HSD17B7: variants seen among roughly 807,000 people sequenced by gnomAD.
HSD17B7 encodes 3-keto-steroid reductase/17-beta-hydroxysteroid dehydrogenase 7.
A neutral mutation model predicts 34.1 loss-of-function variants in HSD17B7; 17 were observed. That is an observed-to-expected ratio of 0.50 (90% CI 0.34 to 0.75). HSD17B7 has a LOEUF of 0.75. Among genes scored for constraint, HSD17B7 ranks in the 30% least tolerant of loss-of-function variants. HSD17B7 has a pLI of 0.01. For missense variants in HSD17B7, 296 were observed against 406.6 expected (o/e 0.73, Z 2.34); for synonymous variants, 122 against 154.6 (o/e 0.79, Z 1.56).
At chr1:162,795,688 T>C (rs1315771635) in intron 2 of HSD17B7, 1 of 430,974 alleles carries the variant, frequency 2.3e-6, no homozygotes, top group Non-Finnish European at 4.6e-6. Context: ...GTCCTAAGTT[T>C]AGAAGCTATG....
intron 5 of HSD17B7, among the ~76,000 whole-genome samples, chr1:162,801,436 G>A (rs1377172374): frequency 6.6e-6 from 1 of 152,180 alleles, no homozygotes; most frequent in African/African-American, 2.4e-5. Flanking sequence ...TTATTGGGAA[G>A]ATTGACTGAG....
At chr1:162,803,613 G>A in intron 6 of HSD17B7, 78 bp downstream of exon 6, 1 of 1,514,408 alleles carries the variant, frequency 6.6e-7, no homozygotes, top group Middle Eastern at 1.8e-4. Context: ...TAAGGGTTGG[G>A]AAATGATTTA....
At chr1:162,805,028 T>G (rs1648934055) in intron 7 of HSD17B7, among the ~76,000 whole-genome samples, 1 of 152,190 alleles carries the variant, frequency 6.6e-6, no homozygotes, top group Admixed American at 6.5e-5. Flanking sequence ...CCTTCAGGAT[T>G]TTTGCTATTC....
In HSD17B7 at chr1:162,800,021, C is replaced by T. The variant is rs1261173922; in HGVS notation, c.642+84C>T. The T allele has an allele frequency of 6.4e-6, 7 of 1,100,140 alleles. No homozygotes were observed. In the Admixed American group the frequency reaches 1.2e-4, roughly 19 times the overall value. The allele number at this position is 1,100,140 out of a possible 1,614,324, so 68.1% of individuals were successfully genotyped here. A position where few individuals can be genotyped will look rare whatever the true frequency, so the allele number is the denominator to read the frequency against. On this transcript the variant is annotated intron_variant, in intron 5 of 8. Coordinates refer to ENST00000254521, the MANE Select transcript of HSD17B7 (RefSeq NM_016371.4). ...GTTGATTTCCTAATAAGGTAGCTGG[C>T]TTTCCACTAACTCTTATAGTTTAGA... is the stretch of plus-strand genomic sequence containing the variant.
chr1:162,800,988 CT>C (rs995700646), intron 5 of HSD17B7, among the ~76,000 whole-genome samples: 171 of 151,266 alleles, frequency 1.1e-3, no homozygotes, highest in African/African-American at 4.0e-3. Flanking sequence ...TGATGCCCCC[CT>C]TTTTTTTTGA....
At chr1:162,808,952 C>A (rs550611566) in intron 8 of HSD17B7, among the ~76,000 whole-genome samples, 1 of 152,188 alleles carries the variant, frequency 6.6e-6, no homozygotes, top group Admixed American at 6.5e-5. Context: ...TAATTGAATA[C>A]CCTTTATTTC....
rs575379182 is a variant in HSD17B7 at position 162,803,345 on chromosome 1, A to G, written c.643-86A>G. ...ATTACCTGACTTCTGGCTCATGTACATACCTCTTTTATTAACTAGCATGTA... is the reference window on the plus strand; with the variant it reads ...ATTACCTGACTTCTGGCTCATGTACGTACCTCTTTTATTAACTAGCATGTA... On this transcript the variant is annotated intron_variant, in intron 5 of 8. Transcript: ENST00000254521. 112 of 1,313,594 alleles carry G rather than the reference A, an allele frequency of 8.5e-5. No individual in the cohort carries two copies. In the African/African-American group the frequency reaches 1.4e-3, roughly 17 times the overall value. 81.4% of individuals were successfully genotyped at this position (1,313,594 alleles called of 1,614,324 possible).
chr1:162,803,196 T>C (rs1425710164), intron 5 of HSD17B7: 1 of 317,250 alleles, frequency 3.2e-6, no homozygotes, highest in Non-Finnish European at 6.0e-6. Context: ...TTCATGAGAA[T>C]AGAGACTTTG....
Position 162,800,191 on chromosome 1 carries a change from G to T in HSD17B7, c.642+254G>T, listed in dbSNP as rs145170476. 4.2e-3 allele frequency: 2,625 copies of T among 624,670 alleles called. 42 individuals carry two copies. The highest frequency in any genetic ancestry group is 0.041 in the African/African-American group (2,281 of 55,388). The allele number at this position is 624,670 out of a possible 1,614,324, so 38.7% of individuals were successfully genotyped here. On this transcript the variant is annotated intron_variant, in intron 5 of 8. Coordinates refer to ENST00000254521, the MANE Select transcript of HSD17B7 (RefSeq NM_016371.4). ...TACTAAAAGTGATAATAGCTACTGT[G>T]TTGGTACTTGCTGTGTTTCAGGTGC...
chr1:162,792,208 G>C (rs182019124), intron 1 of HSD17B7, among the ~76,000 whole-genome samples: 1 of 152,164 alleles, frequency 6.6e-6, no homozygotes, highest in African/African-American at 2.4e-5. Context: ...TGGTGTTTAC[G>C]ATACCAGTAG....
At position 162,792,846 on chromosome 1, in the gene HSD17B7, A is replaced by G. The variant is rs778641456; in HGVS notation, c.223A>G (p.Lys75Glu). ...SNLQSVFRAS[K>E]ELKQRFQRLD... is the part of the protein sequence containing the mutation. ...CCTGCAGTCGGTCTTCCGGGCCTCCAAGGAACTTAAGCAAAGGTATATCTC... is the reference window on the plus strand; with the variant it reads ...CCTGCAGTCGGTCTTCCGGGCCTCCGAGGAACTTAAGCAAAGGTATATCTC... The change falls in exon 2 of 9, where the codon AAG becomes GAG. Residue 75 changes from lysine (K) to glutamate (E), a missense_variant. By Grantham distance (56) the Lys-to-Glu change is moderately conservative (BLOSUM62 1). Transcript: ENST00000254521. 1.2e-6 allele frequency: 2 copies of G among 1,614,194 alleles called. No individual in the cohort carries two copies. The highest frequency in any genetic ancestry group is 2.2e-5 in the East Asian group (1 of 44,880).
At chr1:162,795,948 G>C (rs948524890) in intron 2 of HSD17B7, among the ~76,000 whole-genome samples, 1 of 152,038 alleles carries the variant, frequency 6.6e-6, no homozygotes, top group Non-Finnish European at 1.5e-5. Flanking sequence ...AAGTATTCAG[G>C]GGGGAGCCCA....
chr1:162,800,625 T>C (rs1401173705), intron 5 of HSD17B7, among the ~76,000 whole-genome samples: 1 of 152,222 alleles, frequency 6.6e-6, no homozygotes, highest in African/African-American at 2.4e-5. Flanking sequence ...ACTGCTTCTT[T>C]GTATGTCTCT....
At chr1:162,793,116 C>T (rs1393671706) in intron 2 of HSD17B7, 10 of 181,874 alleles carry the variant, frequency 5.5e-5, no homozygotes, top group Non-Finnish European at 8.0e-5. Context: ...TCACTTCAAC[C>T]TCCACCTCCT....
intron 8 of HSD17B7, among the ~76,000 whole-genome samples, chr1:162,807,177 A>G (rs1460178794): frequency 6.6e-6 from 1 of 151,872 alleles, no homozygotes; most frequent in Non-Finnish European, 1.5e-5. Context: ...CCTGTGTCCA[A>G]GTGTTATCAT....
In HSD17B7 at chr1:162,806,564, A is replaced by G. The variant is rs189196542; in HGVS notation, c.903+1072A>G. Among the ~76,000 whole-genome samples the G allele has an allele frequency of 7.9e-3, 1,199 of 152,360 alleles. 10 individuals are homozygous for G. The highest frequency in any genetic ancestry group is 0.013 in the Non-Finnish European group (860 of 68,030). Reference sequence around the variant, plus strand: ...AGTAAAGGCTGTGAGAAGTTGAAACAGTTAAGAAATGTGTGTGAAATATTT... The same window carrying G: ...AGTAAAGGCTGTGAGAAGTTGAAACGGTTAAGAAATGTGTGTGAAATATTT... On this transcript the variant is annotated intron_variant, in intron 8 of 8. Coordinates refer to ENST00000254521, the MANE Select transcript of HSD17B7 (RefSeq NM_016371.4).
intron 6 of HSD17B7, 30 bp from the exon 7 acceptor site, chr1:162,804,237 A>G (rs1648908111): frequency 6.3e-7 from 1 of 1,585,906 alleles, no homozygotes; most frequent in African/African-American, 1.4e-5. Flanking sequence ...CTAAACCACC[A>G]AAAAATAACA....
At chr1:162,803,854 T>C (rs1467997313) in intron 6 of HSD17B7, among the ~76,000 whole-genome samples, 3 of 152,230 alleles carry the variant, frequency 2.0e-5, no homozygotes, top group Non-Finnish European at 4.4e-5. Context: ...GTTTTCAAAC[T>C]GATCCTGTGC....
intron 7 of HSD17B7, among the ~76,000 whole-genome samples, chr1:162,804,803 C>T (rs1293287952): frequency 3.3e-5 from 5 of 152,216 alleles, no homozygotes; most frequent in East Asian, 1.9e-4. Flanking sequence ...TTAAATCACA[C>T]GTGGCAAATG....
Sources: allele counts gnomAD v4.1 joint callset (sites outside exome capture counted in the v4.1 genomes callset), GRCh38; gene constraint gnomAD v4.1.1; transcripts MANE v1.5; gene names NCBI Gene and HGNC (gene_info 2026-07-23, HGNC 2026-07-21).